Variants in MTA3 observed in about 807,000 individuals in gnomAD.
The protein encoded by MTA3 is metastasis associated 1 family member 3.
In MTA3, 34 loss-of-function variants were observed where a neutral mutation model predicts 83.5. The observed-to-expected ratio is 0.41, with a 90% CI of 0.31 to 0.54. The LOEUF is 0.54. Among genes scored for constraint, MTA3 ranks in the 20% least tolerant of loss-of-function variants. MTA3 has a pLI of 0.33. For synonymous variants in MTA3, 303 were observed against 252.7 expected (o/e 1.20, Z -1.89); for missense variants, 761 against 726.4 (o/e 1.05, Z -0.55).
At chr2:42,751,756 G>T (rs1669887373) in intron 16 of MTA3, among the ~76,000 whole-genome samples, 1 of 152,198 alleles carries the variant, frequency 6.6e-6, no homozygotes, top group East Asian at 1.9e-4. Context: ...ACTATTAAAA[G>T]CAGCTCTTTT....
chr2:42,715,521 C>T (rs1038116085), intron 14 of MTA3, among the ~76,000 whole-genome samples: 6 of 151,362 alleles, frequency 4.0e-5, no homozygotes, highest in African/African-American at 1.5e-4. Context: ...CCTCCCTCCT[C>T]CTCCTCCTGA....
At chr2:42,522,583 C>T (rs1035012175) in intron 2 of MTA3, among the ~76,000 whole-genome samples, 18 of 152,098 alleles carry the variant, frequency 1.2e-4, no homozygotes, top group Admixed American at 2.6e-4. Context: ...ATTGCTTGAG[C>T]CCAGGAATTC....
Position 42,586,557 on chromosome 2 carries a change from AACACAC to A in MTA3, c.190+7411_190+7416del, listed in dbSNP as rs68029790. On this transcript the variant is annotated intron_variant, in intron 3 of 16. Coordinates refer to ENST00000405094, the MANE Select transcript of MTA3 (RefSeq NM_001330442.2). ...AAAACACACACACACAAGGAAGGAA[AACACAC>A]ACACACACACACACACACACACACA... is the stretch of plus-strand genomic sequence containing the variant. 9.7e-3 allele frequency among the ~76,000 whole-genome samples: 1,222 copies of A among 125,722 alleles called. 13 individuals carry two copies. The highest frequency in any genetic ancestry group is 0.02 in the East Asian group (76 of 3,814). The allele number at this position is 125,722 out of a possible 152,430, so 82.5% of individuals were successfully genotyped here.
intron 6 of MTA3, among the ~76,000 whole-genome samples, chr2:42,651,580 G>C (rs1194572255): frequency 6.6e-6 from 1 of 151,928 alleles, no homozygotes; most frequent in African/African-American, 2.4e-5. Flanking sequence ...CGGATGACTT[G>C]AGGTCAGGAA....
At chr2:42,688,455 A>G (rs547389385) in intron 9 of MTA3, among the ~76,000 whole-genome samples, 35 of 152,184 alleles carry the variant, frequency 2.3e-4, no homozygotes, top group Middle Eastern at 3.4e-3. Flanking sequence ...TTTAATTTGC[A>G]TTTTCCCTGA....
At chr2:42,714,247 G>T (rs938456239) in intron 14 of MTA3, among the ~76,000 whole-genome samples, 3 of 152,078 alleles carry the variant, frequency 2.0e-5, no homozygotes, top group African/African-American at 7.2e-5. Flanking sequence ...TTACTGACTT[G>T]TGGGAACTTT....
At chr2:42,532,960 C>G (rs1676047169) in intron 2 of MTA3, 1 of 212,922 alleles carries the variant, frequency 4.7e-6, no homozygotes, top group Non-Finnish European at 9.5e-6. Flanking sequence ...GCTTAATGTG[C>G]TCAATATGCA....
chr2:42,633,687 C>T (rs570141295), intron 4 of MTA3, among the ~76,000 whole-genome samples: 18 of 151,968 alleles, frequency 1.2e-4, no homozygotes, highest in South Asian at 4.2e-4. Flanking sequence ...GTCAGGAGAT[C>T]GAGACCATCC....
At chr2:42,698,747 G>A (rs1693602896) in intron 11 of MTA3, among the ~76,000 whole-genome samples, 1 of 152,000 alleles carries the variant, frequency 6.6e-6, no homozygotes, top group Admixed American at 6.6e-5. Flanking sequence ...TATACATAGA[G>A]GAGGCCTCAT....
At chr2:42,618,496 A>G (rs1439467091) in intron 4 of MTA3, among the ~76,000 whole-genome samples, 1 of 152,248 alleles carries the variant, frequency 6.6e-6, no homozygotes, top group East Asian at 1.9e-4. Context: ...TCATAAAAAC[A>G]ATATAATTTA....
At chr2:42,630,203 T>C (rs1346560261) in intron 4 of MTA3, among the ~76,000 whole-genome samples, 1 of 152,226 alleles carries the variant, frequency 6.6e-6, no homozygotes, top group Non-Finnish European at 1.5e-5. Flanking sequence ...CGTCAGTATC[T>C]TGTGCTACAT....
upstream of MTA3, chr2:42,568,608 C>A: frequency 3.0e-6 from 1 of 338,302 alleles, no homozygotes; most frequent in South Asian, 1.2e-4. Flanking sequence ...CCCCCTGTCC[C>A]CTCCCTTCCC....
At chr2:42,738,387 A>C (rs978310287) in intron 16 of MTA3, among the ~76,000 whole-genome samples, 2 of 152,236 alleles carry the variant, frequency 1.3e-5, no homozygotes, top group Non-Finnish European at 2.9e-5. Flanking sequence ...TCTTTACTGC[A>C]GTCTCTAAAC....
At chr2:42,578,563 G>A (rs1407740199) in intron 2 of MTA3, among the ~76,000 whole-genome samples, 1 of 152,132 alleles carries the variant, frequency 6.6e-6, no homozygotes, top group South Asian at 2.1e-4. Context: ...AGGTCACCTG[G>A]TCTATTCTGC....
chr2:42,693,622 C>T (rs757409921), intron 9 of MTA3, among the ~76,000 whole-genome samples: 1 of 151,952 alleles, frequency 6.6e-6, no homozygotes, highest in African/African-American at 2.4e-5. Context: ...GGAATGCTGT[C>T]CGGCCTGGGA....
At chr2:42,532,319 T>C (rs904440949) in intron 2 of MTA3, among the ~76,000 whole-genome samples, 1 of 152,164 alleles carries the variant, frequency 6.6e-6, no homozygotes, top group African/African-American at 2.4e-5. Flanking sequence ...AAGACTAGCC[T>C]GATCAACATG....
intron 2 of MTA3, among the ~76,000 whole-genome samples, chr2:42,511,082 A>C (rs1437138032): frequency 2.6e-5 from 4 of 152,040 alleles, no homozygotes; most frequent in Non-Finnish European, 4.4e-5. Flanking sequence ...CCCTCCTCCC[A>C]CTATGTTCAG....
intron 2 of MTA3, among the ~76,000 whole-genome samples, chr2:42,502,819 C>T (rs1331385428): frequency 1.6e-5 from 1 of 63,016 alleles, no homozygotes; most frequent in Non-Finnish European, 3.2e-5. Flanking sequence ...AAAAATTAGC[C>T]GGGCATGGTG....
chr2:42,501,635 A>G (rs1195284081), intron 2 of MTA3, among the ~76,000 whole-genome samples: 1 of 152,166 alleles, frequency 6.6e-6, no homozygotes, highest in Non-Finnish European at 1.5e-5. Context: ...AAAGTGAGGC[A>G]TTTATTACAG....
Sources: gnomAD v4.1 joint callset for allele counts (sites outside exome capture counted in the v4.1 genomes callset) on GRCh38, gnomAD v4.1.1 for gene constraint, MANE v1.5 for transcripts, NCBI Gene and HGNC (gene_info 2026-07-23, HGNC 2026-07-21) for gene names.